Variants in KALRN observed in about 807,000 individuals in gnomAD.
KALRN encodes the protein kalirin.
Under a neutral mutation model 353.7 loss-of-function variants are expected in KALRN, and 70 were observed. The observed-to-expected ratio is 0.20, with a 90% CI of 0.16 to 0.24. The LOEUF (loss-of-function observed/expected upper bound fraction) is 0.24, where lower values mean the gene tolerates loss of function less well. KALRN is among the 10% of genes least tolerant of loss of function. The pLI, the probability that KALRN is intolerant of heterozygous loss-of-function variation, is 1.00. For missense variants in KALRN, 2,791 were observed against 3,756.7 expected, an observed-to-expected ratio of 0.74 and a Z score of 6.72; for synonymous variants, 1,391 against 1,434.8, an observed-to-expected ratio of 0.97 and a Z score of 0.69.
At chr3:124,664,350 T>C (rs2085279094) in intron 45 of KALRN, among the ~76,000 whole-genome samples, 2 of 116,972 alleles carry the variant, frequency 1.7e-5, no homozygotes, top group Non-Finnish European at 3.4e-5. Flanking sequence ...TGTGTGTGTG[T>C]GTGTGTGTGT....
At chr3:124,294,375 C>G (rs1051829364) in intron 5 of KALRN, among the ~76,000 whole-genome samples, 3 of 152,038 alleles carry the variant, frequency 2.0e-5, no homozygotes, top group Non-Finnish European at 4.4e-5. Flanking sequence ...TTCCCTGAAC[C>G]TGTTTTCCTG....
intron 1 of KALRN, among the ~76,000 whole-genome samples, chr3:124,083,973 C>T (rs1171174310): frequency 2.6e-5 from 4 of 152,190 alleles, no homozygotes; most frequent in Non-Finnish European, 5.9e-5. Flanking sequence ...TCCCTGACCT[C>T]CTAGCGAGAA....
chr3:124,246,048 T>G (rs1284056849), intron 3 of KALRN, among the ~76,000 whole-genome samples: 1 of 152,236 alleles, frequency 6.6e-6, no homozygotes, highest in East Asian at 1.9e-4. Context: ...CTCATTCTTT[T>G]TATTGGCTGA....
rs546482159 is a variant in KALRN at position 124,346,804 on chromosome 3, T to C, written c.1648-339T>C. Among the ~76,000 whole-genome samples, 8 of 152,280 alleles carry C rather than the reference T, an allele frequency of 5.3e-5. No individual in the cohort carries two copies. The South Asian group carries it at 1.7e-3, about 32-fold the overall frequency. ...ACTACCTAATTTCCTGCCAATATCT[T>C]TATGTGATTGGGTAGAAGTGGTGAG... is the stretch of plus-strand genomic sequence containing the variant. On this transcript the variant is annotated intron_variant, in intron 9 of 59. Transcript: ENST00000682506.
chr3:124,094,928 G>A, intron 1 of KALRN: 1 of 1,604,510 alleles, frequency 6.2e-7, no homozygotes, highest in South Asian at 1.1e-5. Flanking sequence ...GTGTATGCTT[G>A]TATGAGAGAC....
At position 124,162,200 on chromosome 3, in the gene KALRN, T is replaced by C. The variant is rs573072527; in HGVS notation, c.74-65790T>C. Reference sequence around the variant, plus strand: ...TTGTGGGCTGCTTCTTGTTGAATTTTGCTCCACAGGTTAGAAGACAGGTCC... The same window carrying C: ...TTGTGGGCTGCTTCTTGTTGAATTTCGCTCCACAGGTTAGAAGACAGGTCC... On this transcript the variant is annotated intron_variant, in intron 1 of 59. Transcript: ENST00000682506. The C allele has an allele frequency of 2.0e-5, 3 of 152,324 alleles. No homozygotes were observed. The East Asian group carries it at 5.8e-4, about 29-fold the overall frequency. The allele number at this position is 152,324 out of a possible 1,614,324, so 9.4% of individuals were successfully genotyped here.
chr3:124,496,263 G>C, intron 32 of KALRN, 48 bp from the exon 33 acceptor site: 4 of 1,447,304 alleles, frequency 2.8e-6, no homozygotes, highest in Non-Finnish European at 3.9e-6. Context: ...TAAACCCACA[G>C]TGGTTCCCCC....
At chr3:124,715,819 C>A (rs745491055) in intron 58 of KALRN, among the ~76,000 whole-genome samples, 19 of 152,206 alleles carry the variant, frequency 1.2e-4, no homozygotes, top group Admixed American at 3.9e-4. Context: ...TTTGGTAACT[C>A]CTTGCTGTAA....
At chr3:124,591,213 T>G (rs561974115) in intron 34 of KALRN, among the ~76,000 whole-genome samples, 1 of 152,362 alleles carries the variant, frequency 6.6e-6, no homozygotes, top group Admixed American at 6.5e-5. Context: ...GAGCAGCTTG[T>G]ACACGTTTTC....
At chr3:124,249,772 G>T (rs1276339009) in intron 3 of KALRN, among the ~76,000 whole-genome samples, 3 of 152,162 alleles carry the variant, frequency 2.0e-5, no homozygotes, top group Admixed American at 6.5e-5. Flanking sequence ...TGGAGCCCTT[G>T]GTCCTCCCTG....
At chr3:124,419,073 AAG>A (rs779375597) in intron 14 of KALRN, among the ~76,000 whole-genome samples, 2 of 151,976 alleles carry the variant, frequency 1.3e-5, no homozygotes, top group Non-Finnish European at 2.9e-5. Flanking sequence ...CTCAGTCTAA[AAG>A]AAAAAAAAAA....
intron 45 of KALRN, among the ~76,000 whole-genome samples, chr3:124,666,128 A>T (rs1161422616): frequency 6.6e-6 from 1 of 152,172 alleles, no homozygotes; most frequent in African/African-American, 2.4e-5. Flanking sequence ...CTTTCAATAA[A>T]AAACAAGAAG....
At chr3:124,480,257 C>A (rs1006213991) in intron 27 of KALRN, among the ~76,000 whole-genome samples, 1 of 152,182 alleles carries the variant, frequency 6.6e-6, no homozygotes, top group Admixed American at 6.5e-5. Context: ...TTTTGCCCAT[C>A]ATCCTCAAAC....
intron 38 of KALRN, among the ~76,000 whole-genome samples, chr3:124,653,793 C>T (rs1226737747): frequency 6.6e-6 from 1 of 152,220 alleles, no homozygotes; most frequent in East Asian, 1.9e-4. Flanking sequence ...TAAATAACTT[C>T]TACTAATAAG....
At chr3:124,656,545 A>G (rs2084063302) in intron 39 of KALRN, among the ~76,000 whole-genome samples, 1 of 152,226 alleles carries the variant, frequency 6.6e-6, no homozygotes, top group African/African-American at 2.4e-5. Flanking sequence ...TGGGAGGCGG[A>G]GCTTGCAGTG....
At chr3:124,646,213 T>C (rs184555063) in intron 37 of KALRN, among the ~76,000 whole-genome samples, 7 of 152,110 alleles carry the variant, frequency 4.6e-5, no homozygotes, top group African/African-American at 1.7e-4. Context: ...TAATAAATTC[T>C]TGGAGTCCTC....
At chr3:124,423,126 C>A in intron 15 of KALRN, 148 bp downstream of exon 15, 1 of 656,044 alleles carries the variant, frequency 1.5e-6, no homozygotes, top group Non-Finnish European at 2.5e-6. Flanking sequence ...TTAAGGACTA[C>A]TTGTATTAGT....
intron 33 of KALRN, among the ~76,000 whole-genome samples, chr3:124,517,002 G>A (rs993615635): frequency 7.2e-5 from 11 of 152,098 alleles, no homozygotes; most frequent in African/African-American, 2.7e-4. Context: ...ATTTTTAGTA[G>A]AGACGGGGTT....
In KALRN at chr3:124,701,050, G is replaced by T. The variant is rs532896956; in HGVS notation, c.7997-988G>T. On this transcript the variant is annotated intron_variant, in intron 56 of 59. Transcript: ENST00000682506. ...GGAAACCTGAGGGAACTGGCTCCAG[G>T]GTCAGCTGAGCCAAGCTGCTCATGT... 2.6e-5 allele frequency among the ~76,000 whole-genome samples: 4 copies of T among 152,264 alleles called. No homozygotes were observed. In the East Asian group the frequency reaches 7.7e-4, roughly 29 times the overall value.
Sources: allele counts gnomAD v4.1 joint callset (sites outside exome capture counted in the v4.1 genomes callset), GRCh38; gene constraint gnomAD v4.1.1; transcripts MANE v1.5; gene names NCBI Gene and HGNC (gene_info 2026-07-23, HGNC 2026-07-21).